RSPH4A: variants seen among roughly 807,000 people sequenced by gnomAD.
RSPH4A encodes the protein radial spoke head component 4A.
Under a neutral mutation model 71.0 loss-of-function variants are expected in RSPH4A, and 47 were observed. The ratio of observed to expected loss-of-function variants is 0.66; its 90% CI spans 0.52 to 0.84. The LOEUF (loss-of-function observed/expected upper bound fraction) is 0.84. Among genes scored for constraint, RSPH4A ranks in the 40% least tolerant of loss-of-function variants. The pLI is 0.00. For missense variants in RSPH4A, 793 were observed against 855.2 expected (o/e 0.93, Z 0.91); for synonymous variants, 282 against 302.3 (o/e 0.93, Z 0.70).
intron 2 of RSPH4A, among the ~76,000 whole-genome samples, chr6:116,625,104 T>C (rs1084880): frequency 0.21 from 32,128 of 151,988 alleles, 3,727 homozygotes; most frequent in Non-Finnish European, 0.28. Flanking sequence ...CCCTGAGGGA[T>C]AGAGGTAGTA....
chr6:116,630,847 A>ATTTTTTTTTTTTTT (rs10694358), intron 5 of RSPH4A, among the ~76,000 whole-genome samples: 2 of 87,602 alleles, frequency 2.3e-5, no homozygotes, highest in African/African-American at 4.7e-5. Context: ...TAATTTTTGT[A>ATTTTTTTTTTTTTT]TTTTTTTTTT....
chr6:116,617,347 AG>A lies in RSPH4A; in HGVS notation c.686+39del, dbSNP rs1775527785. 2.0e-6 allele frequency: 3 copies of A among 1,471,420 alleles called. No individual in the cohort carries two copies. In the East Asian group the frequency reaches 6.8e-5, roughly 33 times the overall value. 91.1% of individuals were successfully genotyped at this position (1,471,420 alleles called of 1,614,324 possible). ...GGGAAAAAAGATAAATGTTTGGCAAAGCAAGAGGGTGTGTGAGTATCTCTGT... is the reference window on the plus strand; with the variant it reads ...GGGAAAAAAGATAAATGTTTGGCAAACAAGAGGGTGTGTGAGTATCTCTGT... On this transcript the variant is annotated intron_variant, in intron 1 of 5. Coordinates refer to ENST00000229554, the MANE Select transcript of RSPH4A (RefSeq NM_001010892.3).
rs1775824225 is a variant in RSPH4A at position 116,632,513 on chromosome 6, C to T, written c.*72C>T. ...CCCCTTATATGGGACTAATTTTACA[C>T]TTTTCTGTGTTATGTGTGTATATAC... On this transcript the variant is annotated 3_prime_UTR_variant, in exon 6 of 6. Transcript: ENST00000229554. 6.5e-7 allele frequency: 1 copy of T among 1,548,650 alleles called. No individual in the cohort carries two copies. Among genetic ancestry groups the T allele is most frequent in the Non-Finnish European group, 8.7e-7 (1 of 1,145,050 alleles).
intron 4 of RSPH4A, 129 bp from the exon 5 acceptor site, chr6:116,630,306 C>T: frequency 8.2e-6 from 6 of 729,284 alleles, no homozygotes; most frequent in Admixed American, 5.6e-5. Flanking sequence ...TTTTTTCTTT[C>T]TGTATCAAGT....
At chr6:116,621,194 G>A (rs796611290) in intron 1 of RSPH4A, among the ~76,000 whole-genome samples, 3 of 152,220 alleles carry the variant, frequency 2.0e-5, no homozygotes, top group African/African-American at 7.2e-5. Flanking sequence ...TATTAAGGAA[G>A]CTTGATGAAG....
chr6:116,632,515 T>C lies in RSPH4A; in HGVS notation c.*74T>C. The C allele has an allele frequency of 6.5e-7, 1 of 1,547,580 alleles. No homozygotes were observed. Among genetic ancestry groups the C allele is most frequent in the Non-Finnish European group, 8.7e-7 (1 of 1,144,358 alleles). ...CCTTATATGGGACTAATTTTACACT[T>C]TTCTGTGTTATGTGTGTATATACAT... On this transcript the variant is annotated 3_prime_UTR_variant, in exon 6 of 6. Coordinates refer to ENST00000229554, the MANE Select transcript of RSPH4A (RefSeq NM_001010892.3).
At position 116,622,756 on chromosome 6, in the gene RSPH4A, CTGTT is replaced by C; in HGVS notation, c.687-9_687-6del. ...ACATGTATATTATCTGGAATTTTCT[CTGTT>C]TGGATAGATATGATCATCTTTCTAA... On this transcript the variant is annotated splice_region_variant and splice_polypyrimidine_tract_variant and intron_variant, in intron 1 of 5. Transcript: ENST00000229554. The C allele has an allele frequency of 6.6e-7, 1 of 1,509,714 alleles. No homozygotes were observed. The highest frequency in any genetic ancestry group is 9.2e-7 in the Non-Finnish European group (1 of 1,086,138). The allele number at this position is 1,509,714 out of a possible 1,614,324, so 93.5% of individuals were successfully genotyped here.
rs759384223 is a variant in RSPH4A, at chr6:116,627,926, C to A, written c.1219C>A (p.Pro407Thr). 6.2e-7 allele frequency: 1 copy of A among 1,614,088 alleles called. No homozygotes were observed. The highest frequency in any genetic ancestry group is 8.5e-7 in the Non-Finnish European group (1 of 1,179,984). Residue 407 changes from proline to threonine, a missense_variant, in exon 3 of 6, where the codon CCA becomes ACA. Coordinates refer to ENST00000229554, the MANE Select transcript of RSPH4A (RefSeq NM_001010892.3). ...EAHEDEEDELPKSFYKAPQAI... is the reference protein window; with the variant it reads ...EAHEDEEDELTKSFYKAPQAI... The stretch of plus-strand genomic sequence containing the variant: ...TCATGAAGATGAGGAAGATGAATTA[C>A]CAAAGTCCTTTTACAAGGCCCCACA...
chr6:116,616,557 T>C lies in RSPH4A; in HGVS notation c.-67T>C. 2.9e-6 allele frequency: 4 copies of C among 1,368,552 alleles called. No individual in the cohort carries two copies. In the South Asian group the frequency reaches 4.9e-5, roughly 17 times the overall value. The allele number at this position is 1,368,552 out of a possible 1,614,324, so 84.8% of individuals were successfully genotyped here. On this transcript the variant is annotated 5_prime_UTR_variant, in exon 1 of 6. Transcript: ENST00000229554. ...AGAGACCGCGGCAAAGTAACTTAAC[T>C]GAGTTGCCTTCTTCCATATTTTCAC...
chr6:116,628,471 C>G, intron 3 of RSPH4A, 102 bp downstream of exon 3: 1 of 899,908 alleles, frequency 1.1e-6, no homozygotes, highest in Non-Finnish European at 1.8e-6. Context: ...CCTTTGGACT[C>G]TATTTAATAG....
rs564821055 is a variant in RSPH4A, at chr6:116,626,674, T to C, written c.922-955T>C. On this transcript the variant is annotated intron_variant, in intron 2 of 5. Transcript: ENST00000229554. ...TGTGTTTCTATGGTCCATTTAAGAC[T>C]CTGCTTATTCATTTCTCTGTATTTC... Among the ~76,000 whole-genome samples the C allele has an allele frequency of 7.9e-5, 12 of 152,328 alleles. 1 individual carries two copies. Among genetic ancestry groups the C allele is most frequent in the African/African-American group, 2.9e-4 (12 of 41,576 alleles).
intron 2 of RSPH4A, among the ~76,000 whole-genome samples, chr6:116,624,869 G>C (rs1050767629): frequency 3.9e-5 from 6 of 152,156 alleles, no homozygotes; most frequent in African/African-American, 1.4e-4. Context: ...CTGACTTTAA[G>C]TTGCTTAAAA....
chr6:116,627,788 G>A lies in RSPH4A; in HGVS notation c.1081G>A (p.Gly361Ser). The A allele has an allele frequency of 6.2e-7, 1 of 1,614,094 alleles. No individual in the cohort carries two copies. Among genetic ancestry groups the A allele is most frequent in the Non-Finnish European group, 8.5e-7 (1 of 1,180,020 alleles). ...ATGCCGCTTCTGGGGAAAGATCTTGGGTCTGGAAATGAATTATATTGTAGC... is the reference window on the plus strand; with the variant it reads ...ATGCCGCTTCTGGGGAAAGATCTTGAGTCTGGAAATGAATTATATTGTAGC... ...QRCRFWGKIL[G>S]LEMNYIVAEV... The change falls in exon 3 of 6, where the codon GGT becomes AGT. Residue 361 changes from glycine to serine, a missense_variant. Transcript: ENST00000229554.
In RSPH4A at chr6:116,616,692, A is replaced by G. The variant is rs746011238; in HGVS notation, c.69A>G (p.Pro23=). 3.1e-6 allele frequency: 5 copies of G among 1,614,216 alleles called. No individual in the cohort carries two copies. In the East Asian group the frequency reaches 1.1e-4, roughly 36 times the overall value. ...NQEELGETRR[P]WEGKTAASPQ... ...AAGAACTAGGGGAAACAAGGCGGCC[A>G]TGGGAAGGAAAGACAGCAGCTTCTC... Residue 23 remains proline (P), a synonymous_variant, in exon 1 of 6, where the codon CCA becomes CCG. Coordinates refer to ENST00000229554, the MANE Select transcript of RSPH4A (RefSeq NM_001010892.3).
rs983632022 is a variant in RSPH4A at position 116,616,768 on chromosome 6, C to T, written c.145C>T (p.Pro49Ser). The change falls in exon 1 of 6, where the codon CCA (proline) becomes TCA (serine). Residue 49 changes from proline (P) to serine (S), a missense_variant. Transcript: ENST00000229554. ...TGAGCCCTTGGAGGCGAAGCAGGGG[C>T]CAGAAACTGGACGCCAGTCCCGAAG... ...SSEPLEAKQG[P>S]ETGRQSRSSR... 6.2e-7 allele frequency: 1 copy of T among 1,614,168 alleles called. No homozygotes were observed. The highest frequency in any genetic ancestry group is 8.5e-7 in the Non-Finnish European group (1 of 1,180,036).
At chr6:116,626,638 G>C (rs1289046474) in intron 2 of RSPH4A, among the ~76,000 whole-genome samples, 2 of 152,064 alleles carry the variant, frequency 1.3e-5, no homozygotes, top group African/African-American at 4.8e-5. Context: ...ACCACGCCCA[G>C]CCTTCACAAA....
intron 1 of RSPH4A, among the ~76,000 whole-genome samples, chr6:116,618,323 A>T (rs1347602167): frequency 6.6e-6 from 1 of 152,164 alleles, no homozygotes; most frequent in Non-Finnish European, 1.5e-5. Context: ...TTATACAGAG[A>T]GACAGACTTA....
At chr6:116,626,359 TTTTC>T (rs924973187) in intron 2 of RSPH4A, among the ~76,000 whole-genome samples, 1 of 152,140 alleles carries the variant, frequency 6.6e-6, no homozygotes, top group Non-Finnish European at 1.5e-5. Flanking sequence ...TTCTTTTTCT[TTTTC>T]TTTTTTTTGA....
chr6:116,630,302 CT>C, intron 4 of RSPH4A, 132 bp from the exon 5 acceptor site: 1 of 723,656 alleles, frequency 1.4e-6, no homozygotes, highest in Non-Finnish European at 2.5e-6. Context: ...GCTGTTTTTT[CT>C]TTCTGTATCA....
Sources: gnomAD v4.1 joint callset for allele counts (sites outside exome capture counted in the v4.1 genomes callset) on GRCh38, gnomAD v4.1.1 for gene constraint, MANE v1.5 for transcripts, NCBI Gene and HGNC (gene_info 2026-07-23, HGNC 2026-07-21) for gene names.